CHURC1: variants seen among roughly 807,000 people sequenced by gnomAD.
CHURC1 encodes the protein protein Churchill.
A neutral mutation model predicts 15.4 loss-of-function variants in CHURC1; 12 were observed. That is an observed-to-expected ratio of 0.78 (90% CI 0.50 to 1.27). The LOEUF is 1.27. CHURC1 is among the 50% of genes most tolerant of loss of function. The pLI, the probability that CHURC1 is intolerant of heterozygous loss-of-function variation, is 0.00. For synonymous variants in CHURC1, 42 were observed against 47.5 expected (o/e 0.88, Z 0.48); for missense variants, 132 against 137.8 (o/e 0.96, Z 0.21).
intron 3 of CHURC1, among the ~76,000 whole-genome samples, chr14:64,931,737 G>A (rs527918270): frequency 6.6e-6 from 1 of 152,230 alleles, no homozygotes; most frequent in South Asian, 2.1e-4. Flanking sequence ...GATAAAAATA[G>A]CTTTTTCAGT....
Position 64,933,856 on chromosome 14 carries a change from A to G in CHURC1, c.*1626A>G. The stretch of plus-strand genomic sequence containing the variant: ...TGATAATATCTGAGCTTTATTAAGT[A>G]CTTACTACATGCTAAGAGCTTTTTA... On this transcript the variant is annotated 3_prime_UTR_variant, in exon 4 of 4. Coordinates refer to ENST00000549115, the MANE Select transcript of CHURC1 (RefSeq NM_001386928.1). 1.0e-6 allele frequency: 1 copy of G among 984,244 alleles called. No homozygotes were observed. The highest frequency in any genetic ancestry group is 1.2e-6 in the Non-Finnish European group (1 of 828,854). 61.0% of individuals were successfully genotyped at this position (984,244 alleles called of 1,614,324 possible). A position where few individuals can be genotyped will look rare whatever the true frequency, so the allele number is the denominator to read the frequency against.
chr14:64,921,676 G>T (rs184473992), intron 1 of CHURC1, among the ~76,000 whole-genome samples: 16 of 152,178 alleles, frequency 1.1e-4, no homozygotes, highest in Non-Finnish European at 1.9e-4. Flanking sequence ...TAGCTATAGA[G>T]CAACTGGAAC....
chr14:64,934,341 C>A lies in CHURC1; in HGVS notation c.*2111C>A. 1 of 798,666 alleles carries A rather than the reference C, an allele frequency of 1.3e-6. No homozygotes were observed. The highest frequency in any genetic ancestry group is 1.5e-6 in the Non-Finnish European group (1 of 659,552). 49.5% of individuals were successfully genotyped at this position (798,666 alleles called of 1,614,324 possible). A position where few individuals can be genotyped will look rare whatever the true frequency, so the allele number is the denominator to read the frequency against. On this transcript the variant is annotated 3_prime_UTR_variant, in exon 4 of 4. Coordinates refer to ENST00000549115, the MANE Select transcript of CHURC1 (RefSeq NM_001386928.1). ...CCAGCCTGGGAGACAGAGCAAGACT[C>A]CATCTCAAAAACAAAAACAAAACAA...
intron 1 of CHURC1, among the ~76,000 whole-genome samples, chr14:64,922,879 CT>C (rs1417238900): frequency 2.6e-5 from 4 of 152,022 alleles, no homozygotes; most frequent in African/African-American, 7.2e-5. Flanking sequence ...GAAAGACTTC[CT>C]AGTGGCATTA....
At chr14:64,929,504 C>G (rs1180796300) in intron 3 of CHURC1, among the ~76,000 whole-genome samples, 4 of 152,074 alleles carry the variant, frequency 2.6e-5, no homozygotes, top group Non-Finnish European at 5.9e-5. Context: ...CTTGTCCCCA[C>G]CCTACCCCAG....
rs1164708313 is a variant in CHURC1 at position 64,934,366 on chromosome 14, A to AAAC, written c.*2145_*2147dup. On this transcript the variant is annotated 3_prime_UTR_variant, in exon 4 of 4. Coordinates refer to ENST00000549115, the MANE Select transcript of CHURC1 (RefSeq NM_001386928.1). ...CCATCTCAAAAACAAAAACAAAACA[A>AAAC]AACAACAACAAAAAAAGAAGTTAAA... The AAAC allele has an allele frequency of 1.1e-6, 1 of 941,936 alleles. No individual in the cohort carries two copies. Among genetic ancestry groups the AAAC allele is most frequent in the Non-Finnish European group, 1.3e-6 (1 of 790,632 alleles). The allele number at this position is 941,936 out of a possible 1,614,324, so 58.3% of individuals were successfully genotyped here.
intron 3 of CHURC1, among the ~76,000 whole-genome samples, chr14:64,926,994 T>C (rs1008525517): frequency 4.6e-5 from 7 of 152,198 alleles, no homozygotes; most frequent in Non-Finnish European, 1.0e-4. Context: ...GAGTTACTTA[T>C]TTTGTGTGAA....
intron 2 of CHURC1, among the ~76,000 whole-genome samples, chr14:64,925,392 G>A (rs184603147): frequency 2.0e-5 from 3 of 152,246 alleles, no homozygotes; most frequent in Admixed American, 2.0e-4. Flanking sequence ...GTCCAGCTGG[G>A]ATGGGTGCGG....
At chr14:64,920,921 C>T (rs996978381) in intron 1 of CHURC1, among the ~76,000 whole-genome samples, 1 of 151,948 alleles carries the variant, frequency 6.6e-6, no homozygotes, top group African/African-American at 2.4e-5. Context: ...CCAAGAATAG[C>T]CAGATTATAG....
chr14:64,918,332 C>T (rs1215728442), intron 1 of CHURC1, among the ~76,000 whole-genome samples: 2 of 152,208 alleles, frequency 1.3e-5, no homozygotes, highest in Non-Finnish European at 2.9e-5. Context: ...AACATTCTGA[C>T]ATTTCAAAAT....
chr14:64,931,565 G>C (rs1456883698), intron 3 of CHURC1, among the ~76,000 whole-genome samples: 3 of 151,532 alleles, frequency 2.0e-5, no homozygotes, highest in African/African-American at 4.8e-5. Flanking sequence ...TTGCCCTAAG[G>C]GTTTTTGCCT....
intron 3 of CHURC1, among the ~76,000 whole-genome samples, chr14:64,930,117 TAA>T (rs774296050): frequency 1.1e-4 from 14 of 127,742 alleles, no homozygotes; most frequent in East Asian, 2.2e-4. Flanking sequence ...GCCCTCAGAA[TAA>T]AAAAAAAAAA....
chr14:64,923,301 C>T (rs1305186093), intron 1 of CHURC1, among the ~76,000 whole-genome samples: 1 of 138,374 alleles, frequency 7.2e-6, no homozygotes, highest in Non-Finnish European at 1.6e-5. Flanking sequence ...TTCCTTTGAG[C>T]CAGGAGCATA....
At position 64,932,859 on chromosome 14, in the gene CHURC1, T is replaced by TC. The variant is rs1329172042; in HGVS notation, c.*633dup. ...AATTTCAAATAATTTATGTAGATAC[T>TC]CCCCACTTAGTGGGCTCTGCATAGT... On this transcript the variant is annotated 3_prime_UTR_variant, in exon 4 of 4. Transcript: ENST00000549115. The TC allele has an allele frequency of 1.3e-5, 2 of 152,136 alleles. No individual in the cohort carries two copies. Among genetic ancestry groups the TC allele is most frequent in the Non-Finnish European group, 2.9e-5 (2 of 68,046 alleles). The allele number at this position is 152,136 out of a possible 1,614,324, so 9.4% of individuals were successfully genotyped here. A position where few individuals can be genotyped will look rare whatever the true frequency, so the allele number is the denominator to read the frequency against.
chr14:64,914,948 T>C (rs1883761789), intron 1 of CHURC1, among the ~76,000 whole-genome samples: 2 of 152,240 alleles, frequency 1.3e-5, no homozygotes, highest in African/African-American at 4.8e-5. Flanking sequence ...AAGAAACCGA[T>C]GCCCAGAGAG....
chr14:64,933,859 T>C lies in CHURC1; in HGVS notation c.*1629T>C. The C allele has an allele frequency of 1.0e-6, 1 of 984,552 alleles. No homozygotes were observed. The allele number at this position is 984,552 out of a possible 1,614,324, so 61.0% of individuals were successfully genotyped here. Reference sequence around the variant, plus strand: ...TAATATCTGAGCTTTATTAAGTACTTACTACATGCTAAGAGCTTTTTAAGC... The same window carrying C: ...TAATATCTGAGCTTTATTAAGTACTCACTACATGCTAAGAGCTTTTTAAGC... On this transcript the variant is annotated 3_prime_UTR_variant, in exon 4 of 4. Coordinates refer to ENST00000549115, the MANE Select transcript of CHURC1 (RefSeq NM_001386928.1).
chr14:64,932,121 A>C lies in CHURC1; in HGVS notation c.247-17A>C. 6.2e-7 allele frequency: 1 copy of C among 1,608,148 alleles called. No individual in the cohort carries two copies. Among genetic ancestry groups the C allele is most frequent in the Non-Finnish European group, 8.5e-7 (1 of 1,176,242 alleles). On this transcript the variant is annotated splice_polypyrimidine_tract_variant and intron_variant, in intron 3 of 3. Transcript: ENST00000549115. ...TCCCTGTTCCTCTAGGTAATTATGC[A>C]CTTTATCTTGTTCTAGGAGTATACC...
At chr14:64,928,876 C>G (rs765292201) in intron 3 of CHURC1, among the ~76,000 whole-genome samples, 14 of 152,128 alleles carry the variant, frequency 9.2e-5, no homozygotes, top group Non-Finnish European at 1.6e-4. Context: ...AGCTTTTGTT[C>G]TGTGGTCTGG....
rs1344616200 is a variant in CHURC1 at position 64,932,397 on chromosome 14, CT to C, written c.*168del. 6.5e-6 allele frequency: 9 copies of C among 1,376,128 alleles called. No individual in the cohort carries two copies. The African/African-American group carries it at 1.2e-4, about 18-fold the overall frequency. The allele number at this position is 1,376,128 out of a possible 1,614,324, so 85.2% of individuals were successfully genotyped here. ...AGGTAATGTAGGAGCTCATTGTTCT[CT>C]AGAGCTGAGCTCTTCTGCTAAAGTT... On this transcript the variant is annotated 3_prime_UTR_variant, in exon 4 of 4. Coordinates refer to ENST00000549115, the MANE Select transcript of CHURC1 (RefSeq NM_001386928.1).
Sources: gnomAD v4.1 joint callset for allele counts (sites outside exome capture counted in the v4.1 genomes callset) on GRCh38, gnomAD v4.1.1 for gene constraint, MANE v1.5 for transcripts, NCBI Gene and HGNC (gene_info 2026-07-23, HGNC 2026-07-21) for gene names.